The following ENOX1 variants were observed in gnomAD, a reference collection of about 807,000 sequenced individuals.
ENOX1 encodes ecto-NOX disulfide-thiol exchanger 1.
A neutral mutation model predicts 82.5 loss-of-function variants in ENOX1; 42 were observed. The observed-to-expected ratio is 0.51, with a 90% CI of 0.40 to 0.66. The LOEUF (loss-of-function observed/expected upper bound fraction) is 0.66, where lower values mean the gene tolerates loss of function less well. Among genes scored for constraint, ENOX1 ranks in the 30% least tolerant of loss-of-function variants. The probability of loss-of-function intolerance (pLI) is 0.00; values close to 1 mark genes in which losing one functional copy is unlikely to be tolerated. For synonymous variants in ENOX1, 271 were observed against 282.2 expected (o/e 0.96, Z 0.40); for missense variants, 608 against 811.6 (o/e 0.75, Z 3.05).
intron 2 of ENOX1, among the ~76,000 whole-genome samples, chr13:43,486,150 C>T (rs956140071): frequency 5.3e-5 from 8 of 152,332 alleles, no homozygotes; most frequent in African/African-American, 1.7e-4. Context: ...GCAGAGCTTG[C>T]AGTGATCCAA....
At position 43,370,919 on chromosome 13, in the gene ENOX1, C is replaced by T. The variant is rs563334366; in HGVS notation, c.209-9467G>A. On this transcript the variant is annotated intron_variant, in intron 5 of 16. Transcript: ENST00000690772. Reference sequence around the variant, plus strand: ...TCCCCCCTGTCCCCACCCCCTCCTGCCCTTCCTCCCTCCGCCTCCTCCCTG... The same window carrying T: ...TCCCCCCTGTCCCCACCCCCTCCTGTCCTTCCTCCCTCCGCCTCCTCCCTG... 1.3e-3 allele frequency among the ~76,000 whole-genome samples: 202 copies of T among 152,038 alleles called. 1 individual carries two copies. The highest frequency in any genetic ancestry group is 4.7e-3 in the African/African-American group (195 of 41,416).
chr13:43,643,920 C>G (rs1295935741), intron 2 of ENOX1, among the ~76,000 whole-genome samples: 3 of 152,044 alleles, frequency 2.0e-5, no homozygotes, highest in Non-Finnish European at 4.4e-5. Context: ...CATAATTTCA[C>G]TAAATATTAT....
At chr13:43,387,309 A>G (rs1459847124) in intron 5 of ENOX1, among the ~76,000 whole-genome samples, 3 of 152,210 alleles carry the variant, frequency 2.0e-5, no homozygotes, top group African/African-American at 7.2e-5. Flanking sequence ...TGTCTGGAAA[A>G]GAACTTTTGA....
intron 3 of ENOX1, among the ~76,000 whole-genome samples, chr13:43,478,104 A>T: frequency 6.7e-6 from 1 of 148,890 alleles, no homozygotes; most frequent in Non-Finnish European, 1.5e-5. Flanking sequence ...ACAGTGGAAA[A>T]TAAGCCTGAA....
At chr13:43,619,600 C>A (rs182614851) in intron 2 of ENOX1, among the ~76,000 whole-genome samples, 1 of 151,976 alleles carries the variant, frequency 6.6e-6, no homozygotes, top group Middle Eastern at 3.2e-3. Context: ...TGGTATGAAA[C>A]CCACTTGATG....
chr13:43,573,524 A>C (rs1021335926), intron 2 of ENOX1, among the ~76,000 whole-genome samples: 1 of 152,206 alleles, frequency 6.6e-6, no homozygotes, highest in African/African-American at 2.4e-5. Flanking sequence ...GCGTGACATT[A>C]GCATGAATAA....
At chr13:43,650,498 T>A (rs538984181) in intron 2 of ENOX1, among the ~76,000 whole-genome samples, 1 of 152,170 alleles carries the variant, frequency 6.6e-6, no homozygotes, top group Admixed American at 6.5e-5. Flanking sequence ...GGGAGGCTCA[T>A]TAGGTCAGGG....
chr13:43,323,723 T>A (rs1206152330), intron 10 of ENOX1, among the ~76,000 whole-genome samples: 1 of 152,206 alleles, frequency 6.6e-6, no homozygotes, highest in Non-Finnish European at 1.5e-5. Flanking sequence ...CATGTTATGA[T>A]CAATAAACAT....
In ENOX1 at chr13:43,592,643, T is replaced by C. The variant is rs187072172; in HGVS notation, c.-219+74836A>G. On this transcript the variant is annotated intron_variant, in intron 2 of 16. Coordinates refer to ENST00000690772, the MANE Select transcript of ENOX1 (RefSeq NM_001347969.2). ...AGATTTTTCTATGCTGTAAATGCTATCTTAATGAAATATAGAAGGAAGGGA... is the reference window on the plus strand; with the variant it reads ...AGATTTTTCTATGCTGTAAATGCTACCTTAATGAAATATAGAAGGAAGGGA... Among the ~76,000 whole-genome samples the C allele has an allele frequency of 3.0e-3, 451 of 152,310 alleles. 2 individuals are homozygous for C. Among genetic ancestry groups the C allele is most frequent in the African/African-American group, 0.01 (432 of 41,570 alleles).
At chr13:43,601,513 G>T (rs186691825) in intron 2 of ENOX1, among the ~76,000 whole-genome samples, 1 of 151,848 alleles carries the variant, frequency 6.6e-6, no homozygotes, top group Non-Finnish European at 1.5e-5. Flanking sequence ...AAAAAGAATC[G>T]AAAAGAATGA....
chr13:43,568,706 G>T (rs964746319), intron 2 of ENOX1, among the ~76,000 whole-genome samples: 2 of 148,360 alleles, frequency 1.3e-5, no homozygotes, highest in Non-Finnish European at 1.5e-5. Context: ...TTTTTTCTGG[G>T]TCTGCCAAAA....
chr13:43,412,833 A>C lies in ENOX1; in HGVS notation c.70+12T>G, dbSNP rs758853370. On this transcript the variant is annotated intron_variant, in intron 4 of 16. Transcript: ENST00000690772. ...TCCTTGTTTGTGTCCTGTGCTGGCCACTGGCATTTACCTGCAGCCATCATC... is the reference window on the plus strand; with the variant it reads ...TCCTTGTTTGTGTCCTGTGCTGGCCCCTGGCATTTACCTGCAGCCATCATC... 1 of 1,613,888 alleles carries C rather than the reference A, an allele frequency of 6.2e-7. No homozygotes were observed. Among genetic ancestry groups the C allele is most frequent in the African/African-American group, 1.3e-5 (1 of 74,890 alleles).
chr13:43,368,249 CCT>C (rs762910294), intron 5 of ENOX1, among the ~76,000 whole-genome samples: 33 of 152,170 alleles, frequency 2.2e-4, no homozygotes, highest in Non-Finnish European at 3.4e-4. Context: ...TCAATAAAAC[CCT>C]CTGTCTCCTT....
At chr13:43,319,026 A>T (rs1451744243) in intron 11 of ENOX1, among the ~76,000 whole-genome samples, 1 of 152,090 alleles carries the variant, frequency 6.6e-6, no homozygotes, top group Non-Finnish European at 1.5e-5. Flanking sequence ...AGAGGGAGAG[A>T]GAGGGAGGGA....
chr13:43,490,275 CTTG>C (rs1241025408), intron 2 of ENOX1, among the ~76,000 whole-genome samples: 1 of 152,148 alleles, frequency 6.6e-6, no homozygotes, highest in Non-Finnish European at 1.5e-5. Flanking sequence ...AAGCGCATAA[CTTG>C]TTTAACTTCA....
chr13:43,291,143 CCTTCTATG>C (rs1432804234), intron 12 of ENOX1, among the ~76,000 whole-genome samples: 5 of 152,062 alleles, frequency 3.3e-5, no homozygotes, highest in African/African-American at 1.2e-4. Flanking sequence ...TTTTTCTTGT[CCTTCTATG>C]CTTGTGCATT....
At chr13:43,618,555 T>C (rs1486398058) in intron 2 of ENOX1, among the ~76,000 whole-genome samples, 1 of 152,178 alleles carries the variant, frequency 6.6e-6, no homozygotes, top group Middle Eastern at 3.2e-3. Context: ...CTGTTAAGTA[T>C]TTGGGTTTAT....
chr13:43,700,261 T>G (rs1417574975), intron 1 of ENOX1, among the ~76,000 whole-genome samples: 1 of 152,150 alleles, frequency 6.6e-6, no homozygotes, highest in Non-Finnish European at 1.5e-5. Flanking sequence ...TGAACAAGCT[T>G]CAAGAAGAGA....
intron 5 of ENOX1, among the ~76,000 whole-genome samples, chr13:43,402,646 G>A (rs1348914671): frequency 6.6e-6 from 1 of 152,138 alleles, no homozygotes; most frequent in East Asian, 1.9e-4. Context: ...ATAATAAAAG[G>A]AAATAAAAGC....
Sources: allele counts gnomAD v4.1 joint callset (sites outside exome capture counted in the v4.1 genomes callset), GRCh38; gene constraint gnomAD v4.1.1; transcripts MANE v1.5; gene names NCBI Gene and HGNC (gene_info 2026-07-23, HGNC 2026-07-21).